TFB1M: variants seen among roughly 807,000 people sequenced by gnomAD.
TFB1M encodes transcription factor B1, mitochondrial, also known as dimethyladenosine transferase 1, mitochondrial.
In TFB1M, 27 loss-of-function variants were observed where a neutral mutation model predicts 31.1. The observed-to-expected ratio is 0.87, with a 90% confidence interval of 0.64 to 1.20. TFB1M has a LOEUF of 1.20. TFB1M is among the 50% of genes most tolerant of loss of function. The pLI, the probability that TFB1M is intolerant of heterozygous loss-of-function variation, is 0.00. For missense variants in TFB1M, 394 were observed against 418.7 expected, an observed-to-expected ratio of 0.94 and a Z score of 0.51; for synonymous variants, 166 against 151.8, an observed-to-expected ratio of 1.09 and a Z score of -0.69.
chr6:155,266,701 G>A (rs999827320), intron 5 of TFB1M, among the ~76,000 whole-genome samples: 1 of 151,892 alleles, frequency 6.6e-6, no homozygotes, highest in Non-Finnish European at 1.5e-5. Context: ...CAAAAAATTA[G>A]CCAGGCGTGG....
intron 2 of TFB1M, chr6:155,310,821 A>G (rs889991560): frequency 9.3e-6 from 2 of 215,422 alleles, no homozygotes; most frequent in African/African-American, 4.7e-5. Flanking sequence ...CTCAAAAGTC[A>G]TACCAATGAG....
At chr6:155,271,352 T>C (rs1038151998) in intron 5 of TFB1M, among the ~76,000 whole-genome samples, 1 of 152,210 alleles carries the variant, frequency 6.6e-6, no homozygotes, top group African/African-American at 2.4e-5. Flanking sequence ...CACAGTCTTA[T>C]CTGATGTGTC....
chr6:155,302,120 A>C (rs1264012072), intron 2 of TFB1M, among the ~76,000 whole-genome samples: 3 of 152,214 alleles, frequency 2.0e-5, no homozygotes, highest in African/African-American at 7.2e-5. Context: ...GAATTTAGGC[A>C]ATTCTTAGAA....
chr6:155,308,720 T>C (rs1777893138), intron 2 of TFB1M, among the ~76,000 whole-genome samples: 1 of 152,230 alleles, frequency 6.6e-6, no homozygotes, highest in Non-Finnish European at 1.5e-5. Context: ...ATGAAAATAC[T>C]GTAGGAATTG....
the TFB1M span, among the ~76,000 whole-genome samples, chr6:155,230,629 G>T: frequency 6.6e-6 from 1 of 152,032 alleles, no homozygotes; most frequent in African/African-American, 2.4e-5. Context: ...GGTAGGAAAA[G>T]ATTCCATTAA....
chr6:155,309,751 AG>A (rs1777941692), intron 2 of TFB1M, among the ~76,000 whole-genome samples: 1 of 152,176 alleles, frequency 6.6e-6, no homozygotes, highest in African/African-American at 2.4e-5. Context: ...ACAGTTATTT[AG>A]TTTCTTTTTA....
chr6:155,240,840 A>T, the TFB1M span: 1 of 909,746 alleles, frequency 1.1e-6, no homozygotes, highest in South Asian at 1.8e-5. Context: ...TGCTCCTTGA[A>T]TCAGTGAATT....
At chr6:155,249,747 G>C in the TFB1M span, 1 of 911,060 alleles carries the variant, frequency 1.1e-6, no homozygotes, top group South Asian at 1.7e-5. Context: ...AGTGGGTACT[G>C]GTCTGGAATC....
At position 155,307,164 on chromosome 6, in the gene TFB1M, CACAT is replaced by C. The variant is rs1314626170; in HGVS notation, c.285+4020_285+4023del. Among the ~76,000 whole-genome samples, 115 of 134,846 alleles carry C rather than the reference CACAT, an allele frequency of 8.5e-4. 1 individual carries two copies. The South Asian group carries it at 9.5e-3, about 11-fold the overall frequency. The allele number at this position is 134,846 out of a possible 152,430, so 88.5% of individuals were successfully genotyped here. On this transcript the variant is annotated intron_variant, in intron 2 of 6. Coordinates refer to ENST00000367166, the MANE Select transcript of TFB1M (RefSeq NM_016020.4). Reference sequence around the variant, plus strand: ...ACACACACACACACACACACACACACACATATACACACAGACAAATCCTCAGTAA... The same window carrying C: ...ACACACACACACACACACACACACACATACACACAGACAAATCCTCAGTAA...
At chr6:155,246,070 T>TG in the TFB1M span, among the ~76,000 whole-genome samples, 1 of 125,860 alleles carries the variant, frequency 7.9e-6, no homozygotes, top group African/African-American at 3.8e-5. Flanking sequence ...TGCTATGGTG[T>TG]TTTTTTTTTT....
chr6:155,311,689 T>C (rs1461240572), intron 1 of TFB1M, among the ~76,000 whole-genome samples: 1 of 152,224 alleles, frequency 6.6e-6, no homozygotes, highest in East Asian at 1.9e-4. Flanking sequence ...TGGATAAGAA[T>C]GCAGCACTTT....
intron 2 of TFB1M, among the ~76,000 whole-genome samples, chr6:155,302,209 T>A (rs903094907): frequency 2.6e-5 from 4 of 152,212 alleles, no homozygotes; most frequent in African/African-American, 9.7e-5. Context: ...CACCTTCTCA[T>A]GTAAGGGGTT....
At chr6:155,307,613 C>T (rs1212546160) in intron 2 of TFB1M, among the ~76,000 whole-genome samples, 2 of 152,054 alleles carry the variant, frequency 1.3e-5, no homozygotes, top group Non-Finnish European at 2.9e-5. Context: ...GACACAGAGC[C>T]AAACCATATC....
chr6:155,272,460 TGTAA>T (rs1784969771), intron 5 of TFB1M, among the ~76,000 whole-genome samples: 1 of 151,972 alleles, frequency 6.6e-6, no homozygotes, highest in Admixed American at 6.6e-5. Context: ...CTGTAGACCA[TGTAA>T]GTGTTTACAT....
At chr6:155,245,801 T>C in the TFB1M span, 229 of 1,068,430 alleles carry the variant, frequency 2.1e-4, no homozygotes, top group Non-Finnish European at 3.0e-4. Flanking sequence ...AGGGTAAATC[T>C]GTATTTAACA....
In TFB1M at chr6:155,307,136, T is replaced by TACACACACACAC. The variant is rs61677970; in HGVS notation, c.285+4040_285+4051dup. Among the ~76,000 whole-genome samples, 164 of 147,352 alleles carry TACACACACACAC rather than the reference T, an allele frequency of 1.1e-3. 1 individual carries two copies. The highest frequency in any genetic ancestry group is 3.5e-3 in the Middle Eastern group (1 of 288). ...AGAGTGAGACCATGTCTCAAACACA[T>TACACACACACAC]ACACACACACACACACACACACACA... On this transcript the variant is annotated intron_variant, in intron 2 of 6. Transcript: ENST00000367166.
At chr6:155,243,316 G>A in the TFB1M span, among the ~76,000 whole-genome samples, 19 of 152,282 alleles carry the variant, frequency 1.2e-4, no homozygotes, top group South Asian at 1.2e-3. Flanking sequence ...CCCTGAGGCA[G>A]AAGAGGCCAG....
rs138560680 is a variant in TFB1M at position 155,293,456 on chromosome 6, G to A, written c.546+3497C>T. Reference sequence around the variant, plus strand: ...ACCATACATTTTAGCATATGACAAGGAAGTCTTTTCTCATCACTCTCCCTT... The same window carrying A: ...ACCATACATTTTAGCATATGACAAGAAAGTCTTTTCTCATCACTCTCCCTT... On this transcript the variant is annotated intron_variant, in intron 4 of 6. Coordinates refer to ENST00000367166, the MANE Select transcript of TFB1M (RefSeq NM_016020.4). 2.2e-4 allele frequency among the ~76,000 whole-genome samples: 33 copies of A among 152,226 alleles called. 2 individuals are homozygous for A. Among genetic ancestry groups the A allele is most frequent in the African/African-American group, 7.7e-4 (32 of 41,548 alleles).
chr6:155,295,152 G>C (rs1035295410), intron 4 of TFB1M, among the ~76,000 whole-genome samples: 1 of 152,090 alleles, frequency 6.6e-6, no homozygotes, highest in African/African-American at 2.4e-5. Flanking sequence ...GGATCACGAG[G>C]TCAGGAGATG....
Sources: allele counts gnomAD v4.1 joint callset (sites outside exome capture counted in the v4.1 genomes callset), GRCh38; gene constraint gnomAD v4.1.1; transcripts MANE v1.5; gene names NCBI Gene and HGNC (gene_info 2026-07-23, HGNC 2026-07-21).